TOR3A: variants seen among roughly 807,000 people sequenced by gnomAD.
The protein encoded by TOR3A is torsin family 3 member A.
TOR3A carries 44 observed loss-of-function variants against 42.1 expected under a neutral mutation model. The ratio of observed to expected loss-of-function variants is 1.04; its 90% CI spans 0.82 to 1.34. TOR3A has a LOEUF of 1.34. Ranked by LOEUF, TOR3A falls within the 40% of genes most tolerant of loss-of-function variation. The pLI, the probability that TOR3A is intolerant of heterozygous loss-of-function variation, is 0.00. For missense variants in TOR3A, 521 were observed against 507.6 expected (o/e 1.03, Z -0.25); for synonymous variants, 227 against 213.2 (o/e 1.06, Z -0.57).
intron 5 of TOR3A, among the ~76,000 whole-genome samples, chr1:179,094,550 C>CTGGAGT (rs2102547493): frequency 6.6e-6 from 1 of 152,290 alleles, no homozygotes; most frequent in African/African-American, 2.4e-5. Context: ...GACAGCACTC[C>CTGGAGT]TGGAGTTGAG....
chr1:179,085,202 G>A (rs924269343), intron 2 of TOR3A, among the ~76,000 whole-genome samples: 3 of 152,184 alleles, frequency 2.0e-5, no homozygotes, highest in Non-Finnish European at 4.4e-5. Context: ...CGAGGTGGGC[G>A]GATCTCGAGG....
Position 179,095,425 on chromosome 1 carries a change from G to GAT in TOR3A, c.*208_*209insTA, listed in dbSNP as rs1553210572. Reference sequence around the variant, plus strand: ...TTTTCTTTTTTTTGGAGGTCCCACCGAGATAGATAGGAACTTGGATTGCTG... The same window carrying GAT: ...TTTTCTTTTTTTTGGAGGTCCCACCGATAGATAGATAGGAACTTGGATTGCTG... On this transcript the variant is annotated 3_prime_UTR_variant, in exon 6 of 6. Coordinates refer to ENST00000367627, the MANE Select transcript of TOR3A (RefSeq NM_022371.4). The GAT allele has an allele frequency of 7.8e-6, 11 of 1,402,872 alleles. No homozygotes were observed. The highest frequency in any genetic ancestry group is 3.0e-5 in the Admixed American group (1 of 33,642). 86.9% of individuals were successfully genotyped at this position (1,402,872 alleles called of 1,614,324 possible).
chr1:179,088,188 C>T, intron 4 of TOR3A, 99 bp downstream of exon 4: 6 of 1,270,106 alleles, frequency 4.7e-6, no homozygotes, highest in Admixed American at 5.8e-5. Context: ...AACCTTTCCT[C>T]AAGAAAAAAC....
intron 4 of TOR3A, among the ~76,000 whole-genome samples, chr1:179,088,787 CA>C (rs1652500920): frequency 6.6e-6 from 1 of 152,166 alleles, no homozygotes; most frequent in Non-Finnish European, 1.5e-5. Flanking sequence ...ATAACTTGTC[CA>C]ACCTCATCTT....
intron 3 of TOR3A, 121 bp from the exon 4 acceptor site, chr1:179,087,790 G>T: frequency 2.3e-6 from 2 of 858,096 alleles, no homozygotes; most frequent in Non-Finnish European, 3.4e-6. Context: ...CTGGCGGGGG[G>T]CGGGGGGTGG....
chr1:179,087,615 C>T (rs751655701), intron 3 of TOR3A, among the ~76,000 whole-genome samples: 3 of 152,146 alleles, frequency 2.0e-5, no homozygotes, highest in African/African-American at 4.8e-5. Flanking sequence ...GGCCCCTTCT[C>T]AAGGGCAGAA....
rs776337944 is a variant in TOR3A at position 179,094,252 on chromosome 1, C to T, written c.943+35C>T. 7 of 1,593,186 alleles carry T rather than the reference C, an allele frequency of 4.4e-6. No individual in the cohort carries two copies. In the Admixed American group the frequency reaches 9.0e-5, roughly 20 times the overall value. The stretch of plus-strand genomic sequence containing the variant: ...TGACTCAATATGCCTCTGGTGAGAG[C>T]CACAGCTGGTGATAATTAATGTGTT... On this transcript the variant is annotated intron_variant, in intron 5 of 5. Transcript: ENST00000367627.
Position 179,082,137 on chromosome 1 carries a change from C to T in TOR3A, c.9C>T (p.Arg3=). The T allele has an allele frequency of 6.7e-7, 1 of 1,499,758 alleles. No individual in the cohort carries two copies. The highest frequency in any genetic ancestry group is 8.8e-7 in the Non-Finnish European group (1 of 1,135,452). The allele number at this position is 1,499,758 out of a possible 1,614,324, so 92.9% of individuals were successfully genotyped here. Residue 3 remains arginine, a synonymous_variant, in exon 1 of 6, where the codon CGC becomes CGT. Transcript: ENST00000367627. The part of the protein sequence containing the change: ML[R]GPWRQLWLFF... ...GCAGCTCGGGGCCGGCCATGCTTCGCGGTCCGTGGCGCCAGCTTTGGCTCT... is the reference window on the plus strand; with the variant it reads ...GCAGCTCGGGGCCGGCCATGCTTCGTGGTCCGTGGCGCCAGCTTTGGCTCT...
At position 179,095,923 on chromosome 1, in the gene TOR3A, A is replaced by AAAGAC. The variant is rs1652730971; in HGVS notation, c.*708_*712dup. 1.0e-6 allele frequency: 1 copy of AAAGAC among 985,086 alleles called. No individual in the cohort carries two copies. The highest frequency in any genetic ancestry group is 1.8e-5 in the African/African-American group (1 of 57,126). 61.0% of individuals were successfully genotyped at this position (985,086 alleles called of 1,614,324 possible). On this transcript the variant is annotated 3_prime_UTR_variant, in exon 6 of 6. Transcript: ENST00000367627. Reference sequence around the variant, plus strand: ...TTGGCGGGGGAGGGGGGACCTTTTCAAAGACAATAGGGGGTCTTGACATGT... The same window carrying AAAGAC: ...TTGGCGGGGGAGGGGGGACCTTTTCAAAGACAAGACAATAGGGGGTCTTGACATGT...
chr1:179,082,681 C>G (rs555671877), intron 1 of TOR3A: 4 of 704,694 alleles, frequency 5.7e-6, no homozygotes, highest in South Asian at 3.0e-5. Flanking sequence ...CATCTCCCAG[C>G]CCACCCTGGC....
At chr1:179,082,796 C>T (rs1217733315) in intron 1 of TOR3A, 144 bp from the exon 2 acceptor site, 12 of 722,012 alleles carry the variant, frequency 1.7e-5, no homozygotes, top group Non-Finnish European at 2.5e-5. Context: ...GCTTGAGGAC[C>T]GACAGTGGGC....
intron 2 of TOR3A, among the ~76,000 whole-genome samples, chr1:179,084,718 C>T (rs1652383002): frequency 6.6e-6 from 1 of 152,200 alleles, no homozygotes; most frequent in South Asian, 2.1e-4. Flanking sequence ...TCCCAAGGCT[C>T]CAGAATACCT....
Position 179,095,823 on chromosome 1 carries a change from T to TGAAG in TOR3A, c.*607_*610dup, listed in dbSNP as rs1166851808. 3 of 985,848 alleles carry TGAAG rather than the reference T, an allele frequency of 3.0e-6. No individual in the cohort carries two copies. The East Asian group carries it at 3.4e-4, about 112-fold the overall frequency. 61.1% of individuals were successfully genotyped at this position (985,848 alleles called of 1,614,324 possible). A position where few individuals can be genotyped will look rare whatever the true frequency, so the allele number is the denominator to read the frequency against. ...AGCGAATCAGCCAAGAGCCTGAGGC[T>TGAAG]GAAGGGAAAAGTACACAGAGGAAGA... On this transcript the variant is annotated 3_prime_UTR_variant, in exon 6 of 6. Coordinates refer to ENST00000367627, the MANE Select transcript of TOR3A (RefSeq NM_022371.4).
Position 179,085,703 on chromosome 1 carries a change from G to T in TOR3A, c.449G>T (p.Gly150Val). The T allele has an allele frequency of 1.2e-6, 2 of 1,614,248 alleles. No homozygotes were observed. The highest frequency in any genetic ancestry group is 1.7e-6 in the Non-Finnish European group (2 of 1,180,050). ...CAGCTGGTCCTAAGAACAGTGAGGGGCTACTTAGAGACGCCCCAGCCAGAA... is the reference window on the plus strand; with the variant it reads ...CAGCTGGTCCTAAGAACAGTGAGGGTCTACTTAGAGACGCCCCAGCCAGAA... ...VQQLVLRTVR[G>V]YLETPQPEKA... Residue 150 changes from glycine to valine, a missense_variant, in exon 3 of 6, where the codon GGC (glycine) becomes GTC (valine). Physicochemically the swap from Gly to Val is moderately radical, Grantham distance 109. Transcript: ENST00000367627.
At chr1:179,082,879 G>T in intron 1 of TOR3A, 61 bp from the exon 2 acceptor site, 1 of 1,119,426 alleles carries the variant, frequency 8.9e-7, no homozygotes. Context: ...TGGCAAGGTT[G>T]CCGCATCACT....
rs1572578881 is a variant in TOR3A at position 179,095,587 on chromosome 1, T to C, written c.*369T>C. 1.5e-5 allele frequency: 17 copies of C among 1,113,322 alleles called. No homozygotes were observed. The South Asian group carries it at 3.7e-4, about 24-fold the overall frequency. The allele number at this position is 1,113,322 out of a possible 1,614,324, so 69.0% of individuals were successfully genotyped here. On this transcript the variant is annotated 3_prime_UTR_variant, in exon 6 of 6. Coordinates refer to ENST00000367627, the MANE Select transcript of TOR3A (RefSeq NM_022371.4). The stretch of plus-strand genomic sequence containing the variant: ...GAGCTCAGCAAATCCCAAGGGCTTA[T>C]TATGACACTCCAGATGGTCTCCTTA...
chr1:179,082,388 GT>G lies in TOR3A; in HGVS notation c.259+2del. On this transcript the variant is annotated splice_donor_variant, in intron 1 of 5. Coordinates refer to ENST00000367627, the MANE Select transcript of TOR3A (RefSeq NM_022371.4). LOFTEE classifies it high-confidence loss of function. ...GAGGAGGCAGCCACGGGGCCCCTGG[GT>G]AAGACCCCGTCCCCACGGTCCGCCG... 3 of 1,599,056 alleles carry G rather than the reference GT, an allele frequency of 1.9e-6. No individual in the cohort carries two copies. The South Asian group carries it at 3.4e-5, about 18-fold the overall frequency.
At position 179,095,575 on chromosome 1, in the gene TOR3A, C is replaced by CG. The variant is rs1652719365; in HGVS notation, c.*357_*358insG. The CG allele has an allele frequency of 8.8e-7, 1 of 1,136,126 alleles. No homozygotes were observed. The highest frequency in any genetic ancestry group is 2.4e-5 in the South Asian group (1 of 41,202). 70.4% of individuals were successfully genotyped at this position (1,136,126 alleles called of 1,614,324 possible). A position where few individuals can be genotyped will look rare whatever the true frequency, so the allele number is the denominator to read the frequency against. ...AAAGCCATGTGGGAGCTCAGCAAAT[C>CG]CCAAGGGCTTATTATGACACTCCAG... On this transcript the variant is annotated 3_prime_UTR_variant, in exon 6 of 6. Coordinates refer to ENST00000367627, the MANE Select transcript of TOR3A (RefSeq NM_022371.4).
At chr1:179,090,463 A>G (rs1350082508) in intron 4 of TOR3A, among the ~76,000 whole-genome samples, 2 of 152,252 alleles carry the variant, frequency 1.3e-5, no homozygotes, top group Admixed American at 6.5e-5. Context: ...CACTGTAATA[A>G]GGATTCTAGG....
Sources: allele counts gnomAD v4.1 joint callset (sites outside exome capture counted in the v4.1 genomes callset), GRCh38; gene constraint gnomAD v4.1.1; transcripts MANE v1.5; gene names NCBI Gene and HGNC (gene_info 2026-07-23, HGNC 2026-07-21).